Variants in RBM33 observed in about 807,000 individuals in gnomAD.
RBM33 encodes RNA binding motif protein 33, also known as RNA-binding protein 33.
RBM33 carries 28 observed loss-of-function variants against 132.6 expected under a neutral mutation model. The ratio of observed to expected loss-of-function variants is 0.21; its 90% CI spans 0.16 to 0.29. The LOEUF is 0.29. RBM33 is among the 10% of genes least tolerant of loss of function. The probability of loss-of-function intolerance (pLI) is 1.00; values close to 1 mark genes in which losing one functional copy is unlikely to be tolerated. For missense variants in RBM33, 1,291 were observed against 1,518.5 expected, an observed-to-expected ratio of 0.85 and a Z score of 2.49; for synonymous variants, 634 against 593.0, an observed-to-expected ratio of 1.07 and a Z score of -1.01.
intron 1 of RBM33, among the ~76,000 whole-genome samples, chr7:155,663,479 G>A (rs1428392587): frequency 6.6e-6 from 1 of 151,992 alleles, no homozygotes; most frequent in African/African-American, 2.4e-5. Context: ...GAGGCGGGGA[G>A]GGGTGCCACA....
rs1181024256 is a variant in RBM33, at chr7:155,781,418, A to T, written c.*6377A>T. On this transcript the variant is annotated 3_prime_UTR_variant, in exon 18 of 18. Coordinates refer to ENST00000401878, the MANE Select transcript of RBM33 (RefSeq NM_053043.3). ...CATTTGTGTGATTTCGTACCAAAAAAATGTGTTTGAACTATATTGTATGTA... is the reference window on the plus strand; with the variant it reads ...CATTTGTGTGATTTCGTACCAAAAATATGTGTTTGAACTATATTGTATGTA... 1 of 152,256 alleles carries T rather than the reference A, an allele frequency of 6.6e-6. No individual in the cohort carries two copies. The highest frequency in any genetic ancestry group is 6.5e-5 in the Admixed American group (1 of 15,286). 9.4% of individuals were successfully genotyped at this position (152,256 alleles called of 1,614,324 possible). A position where few individuals can be genotyped will look rare whatever the true frequency, so the allele number is the denominator to read the frequency against.
At chr7:155,737,421 T>C (rs1801163595) in intron 9 of RBM33, 109 bp from the exon 10 acceptor site, 7 of 1,088,694 alleles carry the variant, frequency 6.4e-6, no homozygotes, top group Non-Finnish European at 8.9e-6. Flanking sequence ...AGGAGACACG[T>C]TACTTGACAT....
At chr7:155,666,487 C>G (rs1438872513) in intron 2 of RBM33, among the ~76,000 whole-genome samples, 5 of 152,246 alleles carry the variant, frequency 3.3e-5, no homozygotes, top group Non-Finnish European at 7.4e-5. Flanking sequence ...ATCTCTTATC[C>G]CAGTCAAGCT....
At chr7:155,661,128 G>GA (rs1798633681) in intron 1 of RBM33, among the ~76,000 whole-genome samples, 1 of 82,150 alleles carries the variant, frequency 1.2e-5, no homozygotes, top group Non-Finnish European at 2.3e-5. Flanking sequence ...GTGTGTGTGT[G>GA]TGTATATATA....
intron 11 of RBM33, chr7:155,739,232 CTTT>C (rs952354025): frequency 1.4e-5 from 2 of 147,672 alleles, no homozygotes; most frequent in African/African-American, 2.5e-5. Context: ...AATTCAGGAG[CTTT>C]TTTTTTTGTC....
chr7:155,771,210 G>A (rs1364421875), intron 16 of RBM33, among the ~76,000 whole-genome samples: 1 of 152,186 alleles, frequency 6.6e-6, no homozygotes, highest in Non-Finnish European at 1.5e-5. Context: ...TGTTGCTCAG[G>A]TGTGTAGACG....
chr7:155,658,825 G>A (rs1389389000), intron 1 of RBM33, among the ~76,000 whole-genome samples: 3 of 152,232 alleles, frequency 2.0e-5, no homozygotes, highest in Non-Finnish European at 2.9e-5. Flanking sequence ...GGAAGCAACC[G>A]TTTTGGAACT....
chr7:155,754,948 A>T (rs147908950), intron 14 of RBM33, among the ~76,000 whole-genome samples: 2 of 152,204 alleles, frequency 1.3e-5, no homozygotes, highest in African/African-American at 4.8e-5. Context: ...TTACTATTTC[A>T]TGAGGATAAT....
intron 8 of RBM33, among the ~76,000 whole-genome samples, chr7:155,717,558 A>G (rs1800502006): frequency 6.6e-6 from 1 of 151,990 alleles, no homozygotes; most frequent in South Asian, 2.1e-4. Flanking sequence ...GGGAGTTGCA[A>G]ACAGTTCAGC....
At chr7:155,661,099 TG>T (rs1194089801) in intron 1 of RBM33, among the ~76,000 whole-genome samples, 2 of 44,028 alleles carry the variant, frequency 4.5e-5, no homozygotes, top group Non-Finnish European at 7.4e-5. Context: ...GTGTGTGTGG[TG>T]TGTGTGTGTG....
chr7:155,775,057 C>A lies in RBM33; in HGVS notation c.*16C>A. 1 of 1,609,300 alleles carries A rather than the reference C, an allele frequency of 6.2e-7. No individual in the cohort carries two copies. The highest frequency in any genetic ancestry group is 8.5e-7 in the Non-Finnish European group (1 of 1,175,670). On this transcript the variant is annotated 3_prime_UTR_variant, in exon 18 of 18. Coordinates refer to ENST00000401878, the MANE Select transcript of RBM33 (RefSeq NM_053043.3). Reference sequence around the variant, plus strand: ...CGTGGAGTGAGTCCTAACAAGAGAGCCTGACCTTAGGCTGTACACACACTG... The same window carrying A: ...CGTGGAGTGAGTCCTAACAAGAGAGACTGACCTTAGGCTGTACACACACTG...
At chr7:155,666,954 A>G (rs922458915) in intron 2 of RBM33, among the ~76,000 whole-genome samples, 1 of 152,170 alleles carries the variant, frequency 6.6e-6, no homozygotes, top group Non-Finnish European at 1.5e-5. Flanking sequence ...ACCCTTTCAG[A>G]CTTCCAAGAA....
chr7:155,670,819 A>G (rs541671564), intron 2 of RBM33, among the ~76,000 whole-genome samples: 1 of 152,378 alleles, frequency 6.6e-6, no homozygotes, highest in South Asian at 2.1e-4. Flanking sequence ...GTCATGAAAC[A>G]AGTACTAGTC....
chr7:155,742,601 C>G (rs1286911237), intron 13 of RBM33, among the ~76,000 whole-genome samples: 1 of 152,182 alleles, frequency 6.6e-6, no homozygotes, highest in African/African-American at 2.4e-5. Context: ...GTTTCTGTGA[C>G]TTTTCTTGAT....
intron 3 of RBM33, among the ~76,000 whole-genome samples, chr7:155,673,943 T>TTGTTTTTTTTTTGTTTTTTTG (rs1563138289): frequency 5.8e-5 from 1 of 17,316 alleles, no homozygotes; most frequent in African/African-American, 2.5e-4. Context: ...AGGCTTAGTT[T>TTGTTTTTTTTTTGTTTTTTTG]TTTTTTTTTT....
chr7:155,654,345 T>G (rs1458762280), intron 1 of RBM33, among the ~76,000 whole-genome samples: 1 of 152,240 alleles, frequency 6.6e-6, no homozygotes, highest in African/African-American at 2.4e-5. Context: ...ATGGTTGGTT[T>G]GTAGTTACTT....
At chr7:155,737,392 G>T (rs1801162925) in intron 9 of RBM33, 138 bp from the exon 10 acceptor site, 7 of 683,110 alleles carry the variant, frequency 1.0e-5, no homozygotes, top group Non-Finnish European at 1.5e-5. Flanking sequence ...TGTGTAGAAA[G>T]AGAAAGACAG....
intron 1 of RBM33, among the ~76,000 whole-genome samples, chr7:155,645,846 A>G (rs1325939102): frequency 1.3e-5 from 2 of 152,246 alleles, no homozygotes; most frequent in Non-Finnish European, 2.9e-5. Flanking sequence ...ATGCTAGCAG[A>G]TGGTTACGTT....
intron 8 of RBM33, among the ~76,000 whole-genome samples, chr7:155,712,413 A>G (rs1321651580): frequency 1.3e-5 from 2 of 152,258 alleles, no homozygotes; most frequent in African/African-American, 4.8e-5. Flanking sequence ...CGAACAAACC[A>G]GACAAAGCTT....
Sources: allele counts gnomAD v4.1 joint callset (sites outside exome capture counted in the v4.1 genomes callset), GRCh38; gene constraint gnomAD v4.1.1; transcripts MANE v1.5; gene names NCBI Gene and HGNC (gene_info 2026-07-23, HGNC 2026-07-21).